Variants in BLOC1S3 observed in about 807,000 individuals in gnomAD.
The protein encoded by BLOC1S3 is biogenesis of lysosomal organelles complex 1 subunit 3.
Under a neutral mutation model 9.1 loss-of-function variants are expected in BLOC1S3, and 7 were observed. That is an observed-to-expected ratio of 0.77 (90% CI 0.44 to 1.45). BLOC1S3 has a LOEUF of 1.45. Ranked by LOEUF, BLOC1S3 falls within the 40% of genes most tolerant of loss-of-function variation. The probability of loss-of-function intolerance (pLI) is 0.01; values close to 1 mark genes in which losing one functional copy is unlikely to be tolerated. For missense variants in BLOC1S3, 307 were observed against 315.2 expected (o/e 0.97, Z 0.20); for synonymous variants, 145 against 158.4 (o/e 0.92, Z 0.64).
intron 2 of BLOC1S3, among the ~76,000 whole-genome samples, chr19:45,201,925 T>C (rs1048572328): frequency 6.6e-6 from 1 of 152,110 alleles, no homozygotes; most frequent in Non-Finnish European, 1.5e-5. Flanking sequence ...CCTGCCACCA[T>C]GTAAGACGTG....
chr19:45,201,202 C>CA (rs35443104), intron 2 of BLOC1S3, among the ~76,000 whole-genome samples: 10,345 of 126,800 alleles, frequency 0.082, 502 homozygotes, highest in Non-Finnish European at 0.11. Context: ...GACCCTGTCT[C>CA]AAAAAAAAAA....
chr19:45,196,908 A>AG (rs1969652774), intron 2 of BLOC1S3, among the ~76,000 whole-genome samples: 1 of 149,148 alleles, frequency 6.7e-6, no homozygotes, highest in African/African-American at 2.5e-5. Context: ...CAAAAAAAAA[A>AG]AAAATCAATT....
chr19:45,179,186 G>T lies in BLOC1S3; in HGVS notation c.-9-102G>T, dbSNP rs541588888. ...CCAGACGGGGAGCAGCTGACACCAAGTCGTTAAGAGAATCAGCGAAGGGGC... is the reference window on the plus strand; with the variant it reads ...CCAGACGGGGAGCAGCTGACACCAATTCGTTAAGAGAATCAGCGAAGGGGC... On this transcript the variant is annotated intron_variant, in intron 1 of 1. Transcript: ENST00000433642. This position sits in a 1 kb window ranked among gnomAD's most constrained non-coding sequence, Gnocchi z 4.6. 82 of 1,312,776 alleles carry T rather than the reference G, an allele frequency of 6.2e-5. No individual in the cohort carries two copies. The African/African-American group carries it at 1.2e-3, about 19-fold the overall frequency. 81.3% of individuals were successfully genotyped at this position (1,312,776 alleles called of 1,614,324 possible).
chr19:45,216,075 G>A (rs1969831153), intron 3 of BLOC1S3: 3 of 1,613,800 alleles, frequency 1.9e-6, no homozygotes, highest in East Asian at 2.2e-5. Flanking sequence ...TGTCTCACCT[G>A]ATGTCTGGGT....
At chr19:45,194,974 C>T (rs1969636247) in intron 2 of BLOC1S3, among the ~76,000 whole-genome samples, 1 of 150,884 alleles carries the variant, frequency 6.6e-6, no homozygotes, top group South Asian at 2.1e-4. Flanking sequence ...TCTTGTTGCC[C>T]AGGCTGGAGT....
downstream of BLOC1S3, among the ~76,000 whole-genome samples, chr19:45,183,455 G>A (rs1272757693): frequency 6.7e-6 from 1 of 148,974 alleles, no homozygotes; most frequent in African/African-American, 2.5e-5. Context: ...CAGCCCAGGG[G>A]ACAGAGCAAG....
At chr19:45,205,097 C>G (rs1458893149) in intron 3 of BLOC1S3, among the ~76,000 whole-genome samples, 1 of 151,924 alleles carries the variant, frequency 6.6e-6, no homozygotes, top group Non-Finnish European at 1.5e-5. Flanking sequence ...ATGTAAACAT[C>G]CAATTATAAG....
downstream of BLOC1S3, among the ~76,000 whole-genome samples, chr19:45,183,330 A>G (rs1051876744): frequency 5.9e-5 from 9 of 151,808 alleles, no homozygotes; most frequent in Non-Finnish European, 1.2e-4. Flanking sequence ...AAATATAAAA[A>G]TTAGGCATGG....
chr19:45,191,486 A>G (rs914373362), intron 2 of BLOC1S3, among the ~76,000 whole-genome samples: 1 of 152,202 alleles, frequency 6.6e-6, no homozygotes, highest in African/African-American at 2.4e-5. Flanking sequence ...GAGGATGTTC[A>G]TACATTTCTG....
chr19:45,199,440 C>T (rs536050137), intron 2 of BLOC1S3, among the ~76,000 whole-genome samples: 7 of 150,404 alleles, frequency 4.7e-5, no homozygotes, highest in African/African-American at 7.3e-5. Context: ...CTCAGCCTCC[C>T]GAGTAGCTGG....
chr19:45,208,479 C>T (rs1969744629), intron 3 of BLOC1S3, among the ~76,000 whole-genome samples: 1 of 149,480 alleles, frequency 6.7e-6, no homozygotes, highest in Non-Finnish European at 1.5e-5. Flanking sequence ...TGGTGTCGGG[C>T]GTGGTGGCTC....
chr19:45,212,024 TG>T (rs1019851825), intron 3 of BLOC1S3, among the ~76,000 whole-genome samples: 4 of 152,018 alleles, frequency 2.6e-5, no homozygotes, highest in African/African-American at 9.7e-5. Flanking sequence ...CCGCCAGCCC[TG>T]CCCCCAACCT....
rs1435023179 is a variant in BLOC1S3, at chr19:45,179,521, C to T, written c.225C>T (p.Ala75=). 5 of 1,523,160 alleles carry T rather than the reference C, an allele frequency of 3.3e-6. No homozygotes were observed. Among genetic ancestry groups the T allele is most frequent in the Middle Eastern group, 2.2e-4 (1 of 4,460 alleles). The allele number at this position is 1,523,160 out of a possible 1,614,324, so 94.4% of individuals were successfully genotyped here. A position where few individuals can be genotyped will look rare whatever the true frequency, so the allele number is the denominator to read the frequency against. The change falls in exon 2 of 2, where the codon GCC becomes GCT. Residue 75 remains alanine (A), a synonymous_variant. Transcript: ENST00000433642. This position sits in a 1 kb window ranked among gnomAD's most constrained non-coding sequence, Gnocchi z 4.6. ...CGGAGCCGGAGCCGGAACCGACGGC[C>T]GCGCCGAGGGACCTGCCTCCACTCG... is the stretch of plus-strand genomic sequence containing the variant. ...SEPEPEPEPT[A]APRDLPPLVV...
chr19:45,190,973 T>C (rs2122906076), intron 2 of BLOC1S3, among the ~76,000 whole-genome samples: 1 of 149,040 alleles, frequency 6.7e-6, no homozygotes, highest in Non-Finnish European at 1.5e-5. Context: ...GCCCGGCTAA[T>C]TTTTTGTTTT....
At chr19:45,216,292 G>C (rs961580212) in intron 3 of BLOC1S3, 1 of 1,468,976 alleles carries the variant, frequency 6.8e-7, no homozygotes, top group Non-Finnish European at 9.1e-7. Flanking sequence ...AAATGTAGCA[G>C]AAACCAGGGG....
chr19:45,206,839 T>C (rs181804224), intron 3 of BLOC1S3, among the ~76,000 whole-genome samples: 8 of 152,042 alleles, frequency 5.3e-5, no homozygotes, highest in Non-Finnish European at 1.5e-5. Flanking sequence ...TGTTTTATTA[T>C]TTTATTTATT....
rs1568470530 is a variant in BLOC1S3 at position 45,180,753 on chromosome 19, G to A, written c.*848G>A. 2 of 166,880 alleles carry A rather than the reference G, an allele frequency of 1.2e-5. No individual in the cohort carries two copies. 10.3% of individuals were successfully genotyped at this position (166,880 alleles called of 1,614,324 possible). The stretch of plus-strand genomic sequence containing the variant: ...TCCTTGTTTTGTTTTTAGAGACAGG[G>A]TCTCACTGTGTCTCCCAGGCTGGAG... On this transcript the variant is annotated 3_prime_UTR_variant, in exon 2 of 2. Transcript: ENST00000433642.
intron 2 of BLOC1S3, among the ~76,000 whole-genome samples, chr19:45,190,012 T>C (rs759444365): frequency 6.6e-6 from 1 of 151,900 alleles, no homozygotes; most frequent in Non-Finnish European, 1.5e-5. Flanking sequence ...AATTATTTCT[T>C]TTTTTTTCTT....
chr19:45,214,834 C>T (rs193233897), intron 3 of BLOC1S3, among the ~76,000 whole-genome samples: 20 of 152,090 alleles, frequency 1.3e-4, no homozygotes, highest in Admixed American at 3.9e-4. Context: ...ACTTGCTAGG[C>T]GTGATATTTC....
Sources: gnomAD v4.1 joint callset for allele counts (sites outside exome capture counted in the v4.1 genomes callset) on GRCh38, gnomAD v4.1.1 for gene constraint, Gnocchi (gnomAD v3.1) non-coding constraint, MANE v1.5 for transcripts, NCBI Gene and HGNC (gene_info 2026-07-23, HGNC 2026-07-21) for gene names.